Variants in ARAP1 observed in about 807,000 individuals in gnomAD.
ARAP1 encodes the protein arf-GAP with Rho-GAP domain, ANK repeat and PH domain-containing protein 1.
In ARAP1, 76 loss-of-function variants were observed where a neutral mutation model predicts 172.2. The observed-to-expected ratio is 0.44, with a 90% confidence interval of 0.37 to 0.53. The LOEUF (loss-of-function observed/expected upper bound fraction) is 0.53, where lower values mean the gene tolerates loss of function less well. Among genes scored for constraint, ARAP1 ranks in the 20% least tolerant of loss-of-function variants. The probability of loss-of-function intolerance (pLI) is 0.00; values close to 1 mark genes in which losing one functional copy is unlikely to be tolerated. For synonymous variants in ARAP1, 804 were observed against 803.3 expected, an observed-to-expected ratio of 1.00 and a Z score of -0.01; for missense variants, 1,686 against 1,977.5, an observed-to-expected ratio of 0.85 and a Z score of 2.80.
Position 72,695,378 on chromosome 11 carries a change from A to T in ARAP1, c.3576+9T>A. The T allele has an allele frequency of 6.2e-7, 1 of 1,614,116 alleles. No homozygotes were observed. The highest frequency in any genetic ancestry group is 1.1e-5 in the South Asian group (1 of 91,084). On this transcript the variant is annotated intron_variant, in intron 26 of 34. Coordinates refer to ENST00000393609, the MANE Select transcript of ARAP1 (RefSeq NM_001040118.3). This position sits in a 1 kb window ranked among gnomAD's most constrained non-coding sequence, Gnocchi z 4.4. ...TCTAGCCCCTTGGCTTCTAGGTCCC[A>T]GCACCTACCTTGATATGCTGCTCAG...
Position 72,698,085 on chromosome 11 carries a change from C to T in ARAP1, c.2563G>A (p.Glu855Lys), listed in dbSNP as rs756558435. 26 of 1,601,824 alleles carry T rather than the reference C, an allele frequency of 1.6e-5. No homozygotes were observed. The highest frequency in any genetic ancestry group is 5.4e-5 in the African/African-American group (4 of 74,762). Residue 855 changes from glutamate (E) to lysine (K), a missense_variant, in exon 19 of 35, where the codon GAG (glutamate) becomes AAG (lysine). Glu to Lys is a moderately conservative substitution (Grantham distance 56). Transcript: ENST00000393609. ...IAKAFVPPLA[E>K]DLLARDFERL... Reference sequence around the variant, plus strand: ...TCAAAATCCCGGGCCAGCAGATCCTCGGCTAGGGGAGGCACGAATGCCTGG... The same window carrying T: ...TCAAAATCCCGGGCCAGCAGATCCTTGGCTAGGGGAGGCACGAATGCCTGG...
At chr11:72,687,233 T>C in intron 33 of ARAP1, 1 of 658,072 alleles carries the variant, frequency 1.5e-6, no homozygotes, top group Non-Finnish European at 2.6e-6. Flanking sequence ...CTGTGTCCTG[T>C]CTGTCCCTAG....
At chr11:72,692,692 C>T in intron 30 of ARAP1, 61 bp downstream of exon 30, 1 of 1,606,158 alleles carries the variant, frequency 6.2e-7, no homozygotes, top group East Asian at 2.2e-5. Context: ...CATGCTCCCA[C>T]CCAGCTCATT....
chr11:72,685,372 T>A lies in ARAP1; in HGVS notation c.*292A>T. 2.0e-6 allele frequency: 1 copy of A among 500,234 alleles called. No individual in the cohort carries two copies. Among genetic ancestry groups the A allele is most frequent in the African/African-American group, 1.9e-5 (1 of 51,382 alleles). 31.0% of individuals were successfully genotyped at this position (500,234 alleles called of 1,614,324 possible). On this transcript the variant is annotated 3_prime_UTR_variant, in exon 35 of 35. Coordinates refer to ENST00000393609, the MANE Select transcript of ARAP1 (RefSeq NM_001040118.3). ...GTGGTCCTCCCAAGTTCCTGACTTA[T>A]GCCCATCTCTCCAGCCCCACAAGGA... is the stretch of plus-strand genomic sequence containing the variant.
At chr11:72,735,409 G>A (rs1857990271) in intron 1 of ARAP1, among the ~76,000 whole-genome samples, 1 of 151,838 alleles carries the variant, frequency 6.6e-6, no homozygotes, top group South Asian at 2.1e-4. Context: ...TCAGGAGTTC[G>A]AGACCAGCCC....
intron 1 of ARAP1, among the ~76,000 whole-genome samples, chr11:72,750,263 G>A (rs966481309): frequency 3.9e-5 from 6 of 152,202 alleles, no homozygotes; most frequent in South Asian, 2.1e-4. Flanking sequence ...GGGGCGGGGG[G>A]CCAGGGTCAG....
At chr11:72,687,603 C>T in intron 32 of ARAP1, 85 bp downstream of exon 32, 1 of 1,612,854 alleles carries the variant, frequency 6.2e-7, no homozygotes, top group East Asian at 2.2e-5. Context: ...GGTCACAGAT[C>T]TGGGCAGTGA....
Position 72,727,106 on chromosome 11 carries a change from G to T in ARAP1, c.23C>A (p.Ala8Glu). ...CCGCAGCCACTCGGCCACCGATAGC[G>T]CAGCATCCCCAGCCTCTGCCATGGT... MAEAGDA[A>E]LSVAEWLRAL... is the part of the protein sequence containing the mutation. Residue 8 changes from alanine to glutamate, a missense_variant, in exon 3 of 35, where the codon GCG becomes GAG. By Grantham distance (107) the Ala-to-Glu change is moderately radical. This residue lies in a region of ARAP1 where 190 missense variants were observed against 228.6 expected (regional missense o/e 0.83). Coordinates refer to ENST00000393609, the MANE Select transcript of ARAP1 (RefSeq NM_001040118.3). 6.3e-7 allele frequency: 1 copy of T among 1,592,264 alleles called. No homozygotes were observed.
Position 72,725,656 on chromosome 11 carries a change from AG to A in ARAP1, c.509+963del, listed in dbSNP as rs1322217336. On this transcript the variant is annotated intron_variant, in intron 3 of 34. Coordinates refer to ENST00000393609, the MANE Select transcript of ARAP1 (RefSeq NM_001040118.3). The surrounding 1 kb of genome is among the most constrained non-coding windows in gnomAD (Gnocchi z 4.3). ...GTATGTCCTTGGCATGGATCCAGCCAGGGCCCCCTCCCTGCTCTCCCTCTGA... is the reference window on the plus strand; with the variant it reads ...GTATGTCCTTGGCATGGATCCAGCCAGGCCCCCTCCCTGCTCTCCCTCTGA... Among the ~76,000 whole-genome samples, 4 of 152,040 alleles carry A rather than the reference AG, an allele frequency of 2.6e-5. No individual in the cohort carries two copies. The highest frequency in any genetic ancestry group is 9.7e-5 in the African/African-American group (4 of 41,400).
chr11:72,695,481 G>C lies in ARAP1; in HGVS notation c.3508-26C>G. The stretch of plus-strand genomic sequence containing the variant: ...CTGCAGGGAGACAGGGCTCAGCTGG[G>C]GGCCTAGGAAATGGGTGCAGGTGGC... On this transcript the variant is annotated intron_variant, in intron 25 of 34. Coordinates refer to ENST00000393609, the MANE Select transcript of ARAP1 (RefSeq NM_001040118.3). The surrounding 1 kb of genome is among the most constrained non-coding windows in gnomAD (Gnocchi z 4.4). 1.2e-6 allele frequency: 2 copies of C among 1,614,232 alleles called. No individual in the cohort carries two copies. The highest frequency in any genetic ancestry group is 1.7e-6 in the Non-Finnish European group (2 of 1,180,046).
chr11:72,713,165 C>A lies in ARAP1; in HGVS notation c.747+11G>T, dbSNP rs1396075490. 7 of 1,613,796 alleles carry A rather than the reference C, an allele frequency of 4.3e-6. No homozygotes were observed. The highest frequency in any genetic ancestry group is 5.9e-6 in the Non-Finnish European group (7 of 1,179,732). On this transcript the variant is annotated intron_variant, in intron 5 of 34. Transcript: ENST00000393609. ...ACCCTGACAGGCAGACAGTCCCATG[C>A]CTGGCCCCACCTTCTTGGTCATCAC...
In ARAP1 at chr11:72,703,021, C is replaced by T; in HGVS notation, c.2051G>A (p.Cys684Tyr). ...CGAGAAGCAGTTGATCCCAGCCCCA[C>T]AGCCCAGGAGCGCCTGGGTCTCAGC... ...DLAETQALLG[C>Y]GAGINCFSGD... is the part of the protein sequence containing the mutation. The change falls in exon 15 of 35, where the codon TGT becomes TAT. Residue 684 changes from cysteine (C) to tyrosine (Y), a missense_variant. Coordinates refer to ENST00000393609, the MANE Select transcript of ARAP1 (RefSeq NM_001040118.3). 2 of 1,594,112 alleles carry T rather than the reference C, an allele frequency of 1.3e-6. No individual in the cohort carries two copies. The highest frequency in any genetic ancestry group is 2.3e-5 in the East Asian group (1 of 44,154).
At chr11:72,685,867 G>A (rs1383076397) in intron 34 of ARAP1, 175 bp downstream of exon 34, 1 of 1,369,404 alleles carries the variant, frequency 7.3e-7, no homozygotes. Flanking sequence ...GGCAGAAGGG[G>A]CTCCTTTGAA....
intron 14 of ARAP1, chr11:72,703,415 G>GGGGGCGGC (rs71469439): frequency 6.9e-6 from 1 of 145,218 alleles, no homozygotes; most frequent in Non-Finnish European, 1.5e-5. Flanking sequence ...AGCCGGGGGG[G>GGGGGCGGC]GGGTGTGCTT....
At position 72,741,081 on chromosome 11, in the gene ARAP1, T is replaced by C. The variant is rs1858182487; in HGVS notation, c.-127-8484A>G. ...ACTATGCCCCTCTGGCCCCACCACA[T>C]ACCCCCGACCCCTAATGGGTCTGGG... is the stretch of plus-strand genomic sequence containing the variant. On this transcript the variant is annotated intron_variant, in intron 1 of 34. Coordinates refer to ENST00000393609, the MANE Select transcript of ARAP1 (RefSeq NM_001040118.3). The surrounding 1 kb of genome is among the most constrained non-coding windows in gnomAD (Gnocchi z 4.5). Among the ~76,000 whole-genome samples the C allele has an allele frequency of 6.6e-6, 1 of 151,802 alleles. No homozygotes were observed. The highest frequency in any genetic ancestry group is 2.4e-5 in the African/African-American group (1 of 41,242).
At position 72,707,256 on chromosome 11, in the gene ARAP1, T is replaced by G; in HGVS notation, c.1642A>C (p.Arg548=). The change falls in exon 12 of 35, where the codon AGG becomes CGG. Residue 548 remains arginine (R), a synonymous_variant. Coordinates refer to ENST00000393609, the MANE Select transcript of ARAP1 (RefSeq NM_001040118.3). ...AERIWAAAPN[R]FCADCGAPQP... ...GGAGCCCCGCAGTCAGCACAGAACC[T>G]GTTGGGGGCTGCAGCCCAGATGCGC... 3 of 1,612,660 alleles carry G rather than the reference T, an allele frequency of 1.9e-6. No homozygotes were observed. The highest frequency in any genetic ancestry group is 2.5e-6 in the Non-Finnish European group (3 of 1,179,388).
At chr11:72,747,778 C>T (rs1858411581) in intron 1 of ARAP1, among the ~76,000 whole-genome samples, 2 of 152,214 alleles carry the variant, frequency 1.3e-5, no homozygotes, top group Admixed American at 6.5e-5. Flanking sequence ...GCCAGGGCCA[C>T]GGGGGCTCAG....
At chr11:72,686,010 C>T (rs755510214) in intron 34 of ARAP1, 32 bp downstream of exon 34, 12 of 1,613,848 alleles carry the variant, frequency 7.4e-6, no homozygotes, top group Non-Finnish European at 7.6e-6. Context: ...AGGCCCCCAG[C>T]CCCCTGCCCA....
At position 72,685,504 on chromosome 11, in the gene ARAP1, C is replaced by A. The variant is rs572847266; in HGVS notation, c.*160G>T. ...GACCCCTGCTGCCTCCCACCCCTGC[C>A]GGGGAACCCCATGCTGCAGTCAGGA... On this transcript the variant is annotated 3_prime_UTR_variant, in exon 35 of 35. Transcript: ENST00000393609. 2.3e-5 allele frequency: 24 copies of A among 1,040,114 alleles called. No individual in the cohort carries two copies. The East Asian group carries it at 4.9e-4, about 21-fold the overall frequency. The allele number at this position is 1,040,114 out of a possible 1,614,324, so 64.4% of individuals were successfully genotyped here. A position where few individuals can be genotyped will look rare whatever the true frequency, so the allele number is the denominator to read the frequency against.
Sources: allele counts gnomAD v4.1 joint callset (sites outside exome capture counted in the v4.1 genomes callset), GRCh38; gene constraint gnomAD v4.1.1; regional missense constraint gnomAD v4.1.1; non-coding constraint Gnocchi (gnomAD v3.1); transcripts MANE v1.5; gene names NCBI Gene and HGNC (gene_info 2026-07-23, HGNC 2026-07-21).